Variants in MTUS2 observed in about 807,000 individuals in gnomAD.
The protein encoded by MTUS2 is microtubule-associated tumor suppressor candidate 2.
In MTUS2, 40 loss-of-function variants were observed where a neutral mutation model predicts 114.1. The ratio of observed to expected loss-of-function variants is 0.35; its 90% confidence interval spans 0.27 to 0.46. The LOEUF (loss-of-function observed/expected upper bound fraction) is 0.46, where lower values mean the gene tolerates loss of function less well. MTUS2 is among the 20% of genes least tolerant of loss of function. MTUS2 has a pLI of 1.00. For missense variants in MTUS2, 1,679 were observed against 1,705.4 expected, an observed-to-expected ratio of 0.98 and a Z score of 0.27; for synonymous variants, 688 against 672.0, an observed-to-expected ratio of 1.02 and a Z score of -0.37.
Position 29,297,876 on chromosome 13 carries a change from T to TACACACAC in MTUS2, c.2806+16019_2806+16026dup, listed in dbSNP as rs71190801. On this transcript the variant is annotated intron_variant, in intron 6 of 15. Transcript: ENST00000612955. ...GCTAATGAGTATATGTGTACACACATACACACACACACACAAAACATGCTA... is the reference window on the plus strand; with the variant it reads ...GCTAATGAGTATATGTGTACACACATACACACACACACACACACACACAAAACATGCTA... Among the ~76,000 whole-genome samples the TACACACAC allele has an allele frequency of 1.2e-3, 185 of 151,472 alleles. 1 individual carries two copies. Among genetic ancestry groups the TACACACAC allele is most frequent in the African/African-American group, 4.3e-3 (179 of 41,376 alleles).
At chr13:28,825,164 T>C (rs1409903094) in intron 1 of MTUS2, among the ~76,000 whole-genome samples, 1 of 152,146 alleles carries the variant, frequency 6.6e-6, no homozygotes, top group Non-Finnish European at 1.5e-5. Flanking sequence ...CTTAGTGGTA[T>C]GGTGGCTTGG....
intron 5 of MTUS2, among the ~76,000 whole-genome samples, chr13:29,268,603 T>G (rs1897757240): frequency 1.3e-5 from 2 of 152,192 alleles, no homozygotes; most frequent in Non-Finnish European, 2.9e-5. Flanking sequence ...AGTCTTATCT[T>G]TCCACAGCCC....
intron 5 of MTUS2, among the ~76,000 whole-genome samples, chr13:29,154,189 A>G (rs1892770565): frequency 6.6e-6 from 1 of 152,244 alleles, no homozygotes; most frequent in Non-Finnish European, 1.5e-5. Context: ...TTAATAGAAG[A>G]TAAATTCTTA....
chr13:29,302,957 G>A, intron 6 of MTUS2, among the ~76,000 whole-genome samples: 1 of 152,212 alleles, frequency 6.6e-6, no homozygotes, highest in East Asian at 1.9e-4. Context: ...GGAGCTGGCT[G>A]CCATCTTTGC....
intron 9 of MTUS2, among the ~76,000 whole-genome samples, chr13:29,473,832 C>G (rs1461834735): frequency 6.7e-6 from 1 of 148,966 alleles, no homozygotes; most frequent in Non-Finnish European, 1.5e-5. Context: ...GTCTGCCTTT[C>G]ACTCTAAAGG....
chr13:29,011,730 A>G (rs1319249726), intron 2 of MTUS2, among the ~76,000 whole-genome samples: 1 of 152,242 alleles, frequency 6.6e-6, no homozygotes, highest in East Asian at 1.9e-4. Context: ...AGTCTAACTA[A>G]TGAAAATACA....
At chr13:29,284,396 AT>A (rs11359197) in intron 6 of MTUS2, among the ~76,000 whole-genome samples, 3,640 of 144,550 alleles carry the variant, frequency 0.025, 146 homozygotes, top group African/African-American at 0.088. Flanking sequence ...AGAATAAGCT[AT>A]TTTTTAAAAA....
At chr13:28,858,744 T>C (rs1387619818) in intron 2 of MTUS2, among the ~76,000 whole-genome samples, 1 of 150,948 alleles carries the variant, frequency 6.6e-6, no homozygotes, top group African/African-American at 2.4e-5. Flanking sequence ...GGACAGGGAG[T>C]AGGGTGTATG....
intron 2 of MTUS2, among the ~76,000 whole-genome samples, chr13:28,873,528 G>A (rs1227063232): frequency 6.6e-6 from 1 of 152,240 alleles, no homozygotes; most frequent in African/African-American, 2.4e-5. Context: ...TATAAAATTA[G>A]TTCCCACTCA....
chr13:29,014,777 G>C (rs1288829875), intron 2 of MTUS2, among the ~76,000 whole-genome samples: 1 of 152,198 alleles, frequency 6.6e-6, no homozygotes, highest in African/African-American at 2.4e-5. Context: ...GCTGCCAGTG[G>C]GGATTTTGTA....
intron 5 of MTUS2, among the ~76,000 whole-genome samples, chr13:29,258,041 T>G (rs1239216248): frequency 6.6e-6 from 1 of 152,218 alleles, no homozygotes; most frequent in Non-Finnish European, 1.5e-5. Context: ...AGTTTTCTAT[T>G]GCTGCCTAAC....
intron 2 of MTUS2, among the ~76,000 whole-genome samples, chr13:28,842,672 A>G (rs1438148228): frequency 1.3e-5 from 2 of 152,214 alleles, no homozygotes; most frequent in African/African-American, 2.4e-5. Context: ...ATGATTCTGT[A>G]AAGATGTATA....
At chr13:29,192,256 A>G (rs1490606652) in intron 5 of MTUS2, among the ~76,000 whole-genome samples, 2 of 152,228 alleles carry the variant, frequency 1.3e-5, no homozygotes, top group Admixed American at 6.5e-5. Flanking sequence ...GTTACTAAGT[A>G]TACAGAATAC....
chr13:29,398,295 T>C (rs952888419), intron 8 of MTUS2, among the ~76,000 whole-genome samples: 1 of 151,858 alleles, frequency 6.6e-6, no homozygotes, highest in Non-Finnish European at 1.5e-5. Flanking sequence ...ATCTCGTCTC[T>C]AGTAAAAATG....
chr13:28,997,431 T>G (rs1370956812), intron 2 of MTUS2, among the ~76,000 whole-genome samples: 2 of 152,172 alleles, frequency 1.3e-5, no homozygotes, highest in Non-Finnish European at 2.9e-5. Flanking sequence ...CTGAGTTCAG[T>G]TCCTGGATAT....
At chr13:29,416,970 CTTATA>C (rs1372357617) in intron 8 of MTUS2, among the ~76,000 whole-genome samples, 2 of 152,060 alleles carry the variant, frequency 1.3e-5, no homozygotes, top group African/African-American at 2.4e-5. Context: ...GAAAAGTTTT[CTTATA>C]TTATAGTTTT....
At chr13:28,913,333 A>G (rs1185470610) in intron 2 of MTUS2, among the ~76,000 whole-genome samples, 2 of 152,122 alleles carry the variant, frequency 1.3e-5, no homozygotes, top group African/African-American at 2.4e-5. Context: ...GGAATGTTGA[A>G]TTTTATTGAA....
chr13:28,986,376 C>T (rs577878656), intron 2 of MTUS2, among the ~76,000 whole-genome samples: 8 of 152,070 alleles, frequency 5.3e-5, no homozygotes. Context: ...GTCCCTGATG[C>T]ATACACTAGG....
chr13:28,926,015 A>G (rs938421291), intron 2 of MTUS2, among the ~76,000 whole-genome samples: 1 of 152,190 alleles, frequency 6.6e-6, no homozygotes, highest in South Asian at 2.1e-4. Flanking sequence ...GCTTGAGGCA[A>G]CGTTACCCTG....
Sources: gnomAD v4.1 joint callset for allele counts (sites outside exome capture counted in the v4.1 genomes callset) on GRCh38, gnomAD v4.1.1 for gene constraint, MANE v1.5 for transcripts, NCBI Gene and HGNC (gene_info 2026-07-23, HGNC 2026-07-21) for gene names.